The following SUGCT variants were observed in gnomAD, a reference collection of about 807,000 sequenced individuals.
SUGCT encodes the protein succinyl-CoA:glutarate CoA-transferase.
In SUGCT, 41 loss-of-function variants were observed where a neutral mutation model predicts 55.0. That is an observed-to-expected ratio of 0.74 (90% CI 0.58 to 0.97). The LOEUF (loss-of-function observed/expected upper bound fraction) is 0.97, where lower values mean the gene tolerates loss of function less well. SUGCT is among the 50% of genes least tolerant of loss of function. The pLI is 0.00. For synonymous variants in SUGCT, 187 were observed against 200.4 expected (o/e 0.93, Z 0.56); for missense variants, 568 against 547.8 (o/e 1.04, Z -0.37).
At chr7:40,337,104 G>A (rs1000522569) in intron 9 of SUGCT, among the ~76,000 whole-genome samples, 2 of 152,154 alleles carry the variant, frequency 1.3e-5, no homozygotes, top group Non-Finnish European at 2.9e-5. Context: ...TTGCACTGTG[G>A]TCTGAGAGAC....
intron 1 of SUGCT, among the ~76,000 whole-genome samples, chr7:40,168,292 G>C (rs557363631): frequency 3.9e-5 from 6 of 152,268 alleles, no homozygotes; most frequent in African/African-American, 1.4e-4. Context: ...ACTGCTTCCT[G>C]CTGAATTGGG....
intron 12 of SUGCT, among the ~76,000 whole-genome samples, chr7:40,616,696 C>A (rs1273296931): frequency 6.6e-6 from 1 of 152,140 alleles, no homozygotes; most frequent in Admixed American, 6.5e-5. Context: ...CTGAAGGTGG[C>A]CATAAGGACT....
At chr7:40,587,691 C>T (rs961349091) in intron 12 of SUGCT, among the ~76,000 whole-genome samples, 2 of 152,004 alleles carry the variant, frequency 1.3e-5, no homozygotes, top group African/African-American at 4.8e-5. Context: ...ATCCCATTTT[C>T]CTTTTATTGT....
chr7:40,476,357 T>G (rs915251637), intron 11 of SUGCT, among the ~76,000 whole-genome samples: 1 of 152,168 alleles, frequency 6.6e-6, no homozygotes, highest in African/African-American at 2.4e-5. Flanking sequence ...TACTCTCTAT[T>G]AAGCCATGAG....
chr7:40,334,048 C>T (rs1345274319), intron 9 of SUGCT, among the ~76,000 whole-genome samples: 2 of 151,908 alleles, frequency 1.3e-5, no homozygotes, highest in Non-Finnish European at 2.9e-5. Context: ...TGATGGTTTC[C>T]AGCTTCATCC....
intron 12 of SUGCT, among the ~76,000 whole-genome samples, chr7:40,647,844 C>G (rs1042767084): frequency 6.6e-6 from 1 of 151,840 alleles, no homozygotes; most frequent in African/African-American, 2.4e-5. Context: ...AAAGTTAGAC[C>G]ACTTGCCCAA....
At chr7:40,964,508 C>T in the SUGCT span, among the ~76,000 whole-genome samples, 1 of 152,100 alleles carries the variant, frequency 6.6e-6, no homozygotes, top group Non-Finnish European at 1.5e-5. Flanking sequence ...ACTTGGATCC[C>T]TCTGGGTGGG....
chr7:40,136,920 A>G (rs1787726126), intron 1 of SUGCT, among the ~76,000 whole-genome samples: 2 of 151,900 alleles, frequency 1.3e-5, no homozygotes. Context: ...CTTGAGTCCT[A>G]GGAGGTTGAA....
At chr7:40,897,993 C>G in the SUGCT span, among the ~76,000 whole-genome samples, 46 of 152,296 alleles carry the variant, frequency 3.0e-4, no homozygotes, top group African/African-American at 1.1e-3. Flanking sequence ...TGGCCACCCG[C>G]TCAGGTTCCC....
chr7:41,024,003 A>C, the SUGCT span, among the ~76,000 whole-genome samples: 1 of 152,218 alleles, frequency 6.6e-6, no homozygotes, highest in Non-Finnish European at 1.5e-5. Context: ...CTGGTAATGA[A>C]AATGGCATAA....
chr7:40,760,250 T>C (rs1788464176), intron 13 of SUGCT, among the ~76,000 whole-genome samples: 1 of 152,212 alleles, frequency 6.6e-6, no homozygotes, highest in Non-Finnish European at 1.5e-5. Flanking sequence ...TTAATTAAAC[T>C]GCAAACAATG....
chr7:40,609,100 G>A (rs1337210767), intron 12 of SUGCT, among the ~76,000 whole-genome samples: 1 of 152,146 alleles, frequency 6.6e-6, no homozygotes, highest in Non-Finnish European at 1.5e-5. Flanking sequence ...TTCTCTTGCT[G>A]TATGTATCTG....
chr7:40,166,182 C>T (rs1334008682), intron 1 of SUGCT, among the ~76,000 whole-genome samples: 1 of 152,096 alleles, frequency 6.6e-6, no homozygotes, highest in African/African-American at 2.4e-5. Context: ...TGGGGGTATA[C>T]TAAACACTTT....
intron 12 of SUGCT, among the ~76,000 whole-genome samples, chr7:40,514,041 C>T (rs1335236535): frequency 7.2e-5 from 11 of 151,962 alleles, no homozygotes; most frequent in African/African-American, 9.7e-5. Flanking sequence ...CCGCCCGCCT[C>T]GGCCTCCCAA....
At chr7:40,713,262 G>A (rs1247453358) in intron 12 of SUGCT, among the ~76,000 whole-genome samples, 1 of 152,150 alleles carries the variant, frequency 6.6e-6, no homozygotes, top group African/African-American at 2.4e-5. Context: ...CTCCCAGAAA[G>A]GGCAGTTTTG....
At chr7:40,949,756 G>A in the SUGCT span, among the ~76,000 whole-genome samples, 1 of 152,184 alleles carries the variant, frequency 6.6e-6, no homozygotes, top group Non-Finnish European at 1.5e-5. Flanking sequence ...TCAAAGATCA[G>A]CTGGTTGTAG....
the SUGCT span, among the ~76,000 whole-genome samples, chr7:41,028,338 G>C: frequency 6.6e-6 from 1 of 152,226 alleles, no homozygotes; most frequent in Non-Finnish European, 1.5e-5. Flanking sequence ...TATTGTTTCT[G>C]TCTAACACTA....
chr7:40,343,305 TTC>T (rs1279547144), intron 9 of SUGCT, among the ~76,000 whole-genome samples: 1 of 152,230 alleles, frequency 6.6e-6, no homozygotes, highest in Admixed American at 6.5e-5. Flanking sequence ...TGCTAATAAT[TTC>T]TGATATGTAT....
At chr7:40,934,259 C>G in the SUGCT span, among the ~76,000 whole-genome samples, 2 of 152,190 alleles carry the variant, frequency 1.3e-5, no homozygotes, top group African/African-American at 4.8e-5. Context: ...CTGGGTATCA[C>G]CAGCAGAGGC....
Sources: gnomAD v4.1 joint callset for allele counts (sites outside exome capture counted in the v4.1 genomes callset) on GRCh38, gnomAD v4.1.1 for gene constraint, MANE v1.5 for transcripts, NCBI Gene and HGNC (gene_info 2026-07-23, HGNC 2026-07-21) for gene names.